The following GPHN variants were observed in gnomAD, a reference collection of about 807,000 sequenced individuals.
The protein encoded by GPHN is gephyrin.
In GPHN, 17 loss-of-function variants were observed where a neutral mutation model predicts 95.5. That is an observed-to-expected ratio of 0.18 (90% CI 0.12 to 0.27). The LOEUF (loss-of-function observed/expected upper bound fraction) is 0.27, where lower values mean the gene tolerates loss of function less well. Ranked by LOEUF, GPHN falls within the 10% of genes least tolerant of loss-of-function variation. GPHN has a pLI of 1.00. For missense variants in GPHN, 660 were observed against 978.1 expected (o/e 0.67, Z 4.34); for synonymous variants, 320 against 322.5 (o/e 0.99, Z 0.08).
At chr14:67,632,793 G>A in the GPHN span, among the ~76,000 whole-genome samples, 27 of 142,674 alleles carry the variant, frequency 1.9e-4, no homozygotes, top group African/African-American at 6.7e-4. Flanking sequence ...TCAACAGGGA[G>A]AATTAAGCCT....
chr14:67,646,512 G>A, the GPHN span: 3 of 676,096 alleles, frequency 4.4e-6, no homozygotes, highest in East Asian at 7.8e-5. Context: ...GATCAAGTGT[G>A]TCCTGTGTTG....
At chr14:67,387,560 T>A in the GPHN span, 1 of 1,149,508 alleles carries the variant, frequency 8.7e-7, no homozygotes, top group Non-Finnish European at 1.2e-6. Flanking sequence ...AAACATACAA[T>A]GATGTATTTA....
chr14:67,067,929 C>T (rs2076128134), intron 11 of GPHN, among the ~76,000 whole-genome samples: 1 of 152,218 alleles, frequency 6.6e-6, no homozygotes, highest in South Asian at 2.1e-4. Context: ...TGACGCCCCG[C>T]CCTGCTTCGA....
chr14:67,171,978 A>G (rs534135139), intron 21 of GPHN, among the ~76,000 whole-genome samples: 88 of 152,302 alleles, frequency 5.8e-4, no homozygotes, highest in African/African-American at 2.1e-3. Flanking sequence ...AGCTGAAGGA[A>G]CTGCCTGGAG....
the GPHN span, chr14:67,360,860 C>T: frequency 6.6e-6 from 1 of 152,210 alleles, no homozygotes; most frequent in African/African-American, 2.4e-5. Flanking sequence ...TTCTTCCGCC[C>T]CAACAGCTCT....
chr14:66,609,024 G>A (rs1398272162), intron 1 of GPHN, among the ~76,000 whole-genome samples: 1 of 152,080 alleles, frequency 6.6e-6, no homozygotes, highest in Non-Finnish European at 1.5e-5. Context: ...TACAGAAATT[G>A]TGTTTTTAGC....
Position 67,023,643 on chromosome 14 carries a change from G to A in GPHN, c.974G>A (p.Arg325Lys). 1 of 1,613,392 alleles carries A rather than the reference G, an allele frequency of 6.2e-7. No homozygotes were observed. Among genetic ancestry groups the A allele is most frequent in the Admixed American group, 1.7e-5 (1 of 59,986 alleles). Residue 325 changes from arginine to lysine, a missense_variant, in exon 10 of 23, where the codon AGG becomes AAG. Transcript: ENST00000478722. ...ATGCTCTTTCTACAGGTCCAGTCCA[G>A]GTGCAGCAGCAAGGAGAACATTCTC... ...ASCPTPKVQS[R>K]CSSKENILRA...
chr14:67,733,775 G>A, the GPHN span: 1 of 1,613,402 alleles, frequency 6.2e-7, no homozygotes, highest in Non-Finnish European at 8.5e-7. Flanking sequence ...GTGTCTCCAA[G>A]GGCCCGAAAT....
intron 1 of GPHN, among the ~76,000 whole-genome samples, chr14:66,593,300 T>TA (rs529882762): frequency 1.3e-3 from 182 of 139,626 alleles, no homozygotes; most frequent in East Asian, 4.0e-3. Context: ...TTAAAGTATT[T>TA]AAAAAAAAAA....
the GPHN span, among the ~76,000 whole-genome samples, chr14:67,501,084 T>A: frequency 5.6e-5 from 8 of 141,840 alleles, no homozygotes; most frequent in Non-Finnish European, 1.1e-4. Context: ...ATAATAATAA[T>A]AAAGAAAATG....
chr14:66,780,350 G>C (rs1046464970), intron 3 of GPHN, among the ~76,000 whole-genome samples: 8 of 152,140 alleles, frequency 5.3e-5, no homozygotes, highest in African/African-American at 1.9e-4. Flanking sequence ...ATGCTAGTCA[G>C]TGAATGGAAT....
chr14:66,893,866 A>T (rs2064670431), intron 5 of GPHN, among the ~76,000 whole-genome samples: 1 of 152,220 alleles, frequency 6.6e-6, no homozygotes, highest in Non-Finnish European at 1.5e-5. Context: ...ATAAAAGAGG[A>T]TACAAACAAA....
the GPHN span, chr14:67,241,647 A>G: frequency 6.6e-6 from 1 of 152,438 alleles, no homozygotes; most frequent in South Asian, 2.1e-4. Flanking sequence ...ACGCTGCGCA[A>G]ACTCCGGCCA....
At chr14:66,850,503 T>C (rs1191353831) in intron 4 of GPHN, among the ~76,000 whole-genome samples, 1 of 152,144 alleles carries the variant, frequency 6.6e-6, no homozygotes, top group Admixed American at 6.5e-5. Flanking sequence ...AATTAACATG[T>C]AGTTTGTATT....
intron 12 of GPHN, among the ~76,000 whole-genome samples, chr14:67,092,995 T>C (rs1190764700): frequency 6.6e-6 from 1 of 152,104 alleles, no homozygotes; most frequent in African/African-American, 2.4e-5. Flanking sequence ...AAAAATATGT[T>C]AGAACTCCAA....
In GPHN at chr14:67,113,046, G is replaced by A; in HGVS notation, c.1501G>A (p.Glu501Lys). Residue 501 changes from glutamate (E) to lysine (K), a missense_variant, in exon 16 of 23, where the codon GAA (glutamate) becomes AAA (lysine). Around this residue, in one of 6 missense-constraint regions of GPHN, gnomAD observed 257 missense variants for 376.2 expected, o/e 0.68. Coordinates refer to ENST00000478722, the MANE Select transcript of GPHN (RefSeq NM_020806.5). ...CATCGGCCATGACATTAAAAGAGGG[G>A]AATGTGTTTTGGCCAAAGGAACCCA... ...RPIGHDIKRGECVLAKGTHMG... is the reference protein window; with the variant it reads ...RPIGHDIKRGKCVLAKGTHMG... The A allele has an allele frequency of 2.5e-6, 4 of 1,613,878 alleles. No homozygotes were observed. Among genetic ancestry groups the A allele is most frequent in the Non-Finnish European group, 3.4e-6 (4 of 1,179,810 alleles).
chr14:67,219,572 A>G, the GPHN span, among the ~76,000 whole-genome samples: 1 of 152,218 alleles, frequency 6.6e-6, no homozygotes, highest in Non-Finnish European at 1.5e-5. Flanking sequence ...TTTTTAAAAC[A>G]TTAAATATTA....
the GPHN span, among the ~76,000 whole-genome samples, chr14:67,283,329 A>C: frequency 3.3e-5 from 5 of 152,342 alleles, no homozygotes; most frequent in South Asian, 6.2e-4. Context: ...ATTTTAAAGT[A>C]AAATAGCTCT....
chr14:66,736,415 T>G (rs1328815134), intron 2 of GPHN, among the ~76,000 whole-genome samples: 5 of 137,166 alleles, frequency 3.6e-5, no homozygotes, highest in African/African-American at 1.5e-4. Flanking sequence ...TTTTTTTTTT[T>G]GAGATGGAGT....
Sources: allele counts gnomAD v4.1 joint callset (sites outside exome capture counted in the v4.1 genomes callset), GRCh38; gene constraint gnomAD v4.1.1; regional missense constraint gnomAD v4.1.1; transcripts MANE v1.5; gene names NCBI Gene and HGNC (gene_info 2026-07-23, HGNC 2026-07-21).